Variants in AKR7A3 observed in about 807,000 individuals in gnomAD.
AKR7A3 encodes the protein AFB1 aldehyde reductase 2.
A neutral mutation model predicts 32.5 loss-of-function variants in AKR7A3; 37 were observed. The observed-to-expected ratio is 1.14, with a 90% CI of 0.88 to 1.50. The LOEUF (loss-of-function observed/expected upper bound fraction) is 1.50. Among genes scored for constraint, AKR7A3 ranks in the 40% most tolerant of loss-of-function variants. The pLI, the probability that AKR7A3 is intolerant of heterozygous loss-of-function variation, is 0.00. For missense variants in AKR7A3, 412 were observed against 453.2 expected, an observed-to-expected ratio of 0.91 and a Z score of 0.83; for synonymous variants, 177 against 188.4, an observed-to-expected ratio of 0.94 and a Z score of 0.50.
chr1:19,285,120 A>G lies in AKR7A3; in HGVS notation c.508-6T>C. The G allele has an allele frequency of 6.2e-6, 10 of 1,613,482 alleles. No homozygotes were observed. Among genetic ancestry groups the G allele is most frequent in the East Asian group, 2.2e-5 (1 of 44,858 alleles). The stretch of plus-strand genomic sequence containing the variant: ...GTGATGGCATTGTACATGCCCTGTA[A>G]GGAGAGGGGCCCCGGGGGAGAGGGT... On this transcript the variant is annotated splice_polypyrimidine_tract_variant and splice_region_variant and intron_variant, in intron 3 of 6. Coordinates refer to ENST00000361640, the MANE Select transcript of AKR7A3 (RefSeq NM_012067.3).
chr1:19,274,899 C>CCAAAAAAAAAA, the AKR7A3 span, among the ~76,000 whole-genome samples: 1 of 44,314 alleles, frequency 2.3e-5, no homozygotes, highest in Admixed American at 3.6e-4. Flanking sequence ...TCTCTAAATA[C>CCAAAAAAAAAA]AAAAAAAAAA....
chr1:19,287,377 C>A (rs918087391), intron 1 of AKR7A3, among the ~76,000 whole-genome samples: 1 of 151,504 alleles, frequency 6.6e-6, no homozygotes, highest in Admixed American at 6.6e-5. Flanking sequence ...CTAGAAAGAG[C>A]GTGGCACTGG....
At chr1:19,283,844 C>T (rs369438627) in intron 6 of AKR7A3, 152 bp downstream of exon 6, 7 of 1,324,946 alleles carry the variant, frequency 5.3e-6, no homozygotes, top group Admixed American at 5.5e-5. Context: ...AAAAAAAAAA[C>T]ATAGAAAAAG....
downstream of AKR7A3, among the ~76,000 whole-genome samples, chr1:19,281,367 G>A (rs1410181050): frequency 6.6e-6 from 1 of 151,896 alleles, no homozygotes; most frequent in African/African-American, 2.4e-5. Flanking sequence ...GCTGGGTGTG[G>A]TGGCTCATGC....
intron 6 of AKR7A3, 89 bp downstream of exon 6, chr1:19,283,907 A>C: frequency 6.3e-7 from 1 of 1,580,456 alleles, no homozygotes; most frequent in Non-Finnish European, 8.6e-7. Context: ...TTTCAGAGGA[A>C]TCGATAAACA....
rs1402298120 is a variant in AKR7A3 at position 19,282,978 on chromosome 1, T to C, written c.835-86A>G. 1.9e-6 allele frequency: 3 copies of C among 1,560,610 alleles called. No homozygotes were observed. In the African/African-American group the frequency reaches 4.1e-5, roughly 21 times the overall value. On this transcript the variant is annotated intron_variant, in intron 6 of 6. Coordinates refer to ENST00000361640, the MANE Select transcript of AKR7A3 (RefSeq NM_012067.3). The stretch of plus-strand genomic sequence containing the variant: ...CGTCCCAGCCACCTCCCTGCTGAGA[T>C]TTGGGATCTCTTGTATCCCATATGT...
downstream of AKR7A3, among the ~76,000 whole-genome samples, chr1:19,281,456 G>A (rs903073950): frequency 6.6e-6 from 1 of 151,550 alleles, no homozygotes; most frequent in Non-Finnish European, 1.5e-5. Flanking sequence ...GGACAACATG[G>A]CAAAACCCAG....
Position 19,284,035 on chromosome 1 carries a change from C to T in AKR7A3, c.795G>A (p.Ser265=), listed in dbSNP as rs140288397. Residue 265 remains serine (S), a synonymous_variant, in exon 6 of 7, where the codon TCG becomes TCA. Transcript: ENST00000361640. ...GGTGGTACATCCACCGGAGGGTGGC[C>T]GAGGTCATGCTGGGGGCGCTGGCGC... ...AYGASAPSMT[S]ATLRWMYHHS... 5.1e-5 allele frequency: 82 copies of T among 1,613,488 alleles called. 1 individual carries two copies. The highest frequency in any genetic ancestry group is 6.4e-5 in the Non-Finnish European group (75 of 1,179,862).
At chr1:19,277,401 A>T in the AKR7A3 span, among the ~76,000 whole-genome samples, 1 of 152,012 alleles carries the variant, frequency 6.6e-6, no homozygotes, top group Non-Finnish European at 1.5e-5. Context: ...GAACTGAATT[A>T]AAGTAAAAAC....
chr1:19,285,172 A>G, intron 3 of AKR7A3, 58 bp from the exon 4 acceptor site: 1 of 1,525,598 alleles, frequency 6.6e-7, no homozygotes, highest in Non-Finnish European at 9.1e-7. Flanking sequence ...GAGACTTCAA[A>G]ATTACCCTTC....
In AKR7A3 at chr1:19,282,606, T is replaced by A. The variant is rs1387234717; in HGVS notation, c.*125A>T. On this transcript the variant is annotated 3_prime_UTR_variant, in exon 7 of 7. Transcript: ENST00000361640. ...TTATTCTTCATTTGGTGGTGACTCTTCTATTAGGTTTTTGTCCAAATACTT... is the reference window on the plus strand; with the variant it reads ...TTATTCTTCATTTGGTGGTGACTCTACTATTAGGTTTTTGTCCAAATACTT... 2.7e-6 allele frequency: 4 copies of A among 1,489,960 alleles called. No homozygotes were observed. The highest frequency in any genetic ancestry group is 2.4e-5 in the East Asian group (1 of 41,066). 92.3% of individuals were successfully genotyped at this position (1,489,960 alleles called of 1,614,324 possible).
chr1:19,275,384 C>T, the AKR7A3 span, among the ~76,000 whole-genome samples: 2 of 149,922 alleles, frequency 1.3e-5, no homozygotes, highest in Admixed American at 6.6e-5. Context: ...GCACTCCAGC[C>T]GAGGCAACAA....
rs568602361 is a variant in AKR7A3, at chr1:19,284,797, C to A, written c.605-12G>T. The A allele has an allele frequency of 6.2e-7, 1 of 1,613,372 alleles. No individual in the cohort carries two copies. Among genetic ancestry groups the A allele is most frequent in the Admixed American group, 1.7e-5 (1 of 60,024 alleles). On this transcript the variant is annotated splice_polypyrimidine_tract_variant and intron_variant, in intron 4 of 6. Transcript: ENST00000361640. The stretch of plus-strand genomic sequence containing the variant: ...GGTCAGCAGGCCCCCTGAGGGAAAG[C>A]AGCAATCAGCCCCGGGGCCTAGAGT...
intron 2 of AKR7A3, 27 bp from the exon 3 acceptor site, chr1:19,286,019 C>T (rs1470248424): frequency 5.0e-6 from 8 of 1,613,092 alleles, no homozygotes; most frequent in Non-Finnish European, 5.9e-6. Context: ...CCAGTCAGAA[C>T]ATAGTGCAGC....
the AKR7A3 span, chr1:19,274,234 C>G: frequency 1.5e-6 from 2 of 1,333,556 alleles, no homozygotes; most frequent in Non-Finnish European, 1.9e-6. Flanking sequence ...ACGCCGCCCA[C>G]GCGCTGGACT....
intron 6 of AKR7A3, among the ~76,000 whole-genome samples, 164 bp downstream of exon 6, chr1:19,283,832 C>T (rs1016469581): frequency 2.7e-5 from 4 of 150,804 alleles, no homozygotes; most frequent in Non-Finnish European, 5.9e-5. Flanking sequence ...CTCTGTCCCC[C>T]CAAAAAAAAA....
the AKR7A3 span, among the ~76,000 whole-genome samples, chr1:19,275,649 A>T: frequency 3.3e-5 from 5 of 151,690 alleles, no homozygotes; most frequent in Non-Finnish European, 7.4e-5. Flanking sequence ...AAAAAGTTTT[A>T]AAAAGATTAT....
chr1:19,284,125 G>A lies in AKR7A3; in HGVS notation c.705C>T (p.Arg235=). The change falls in exon 6 of 7, where the codon CGC becomes CGT. Residue 235 remains arginine (R), a splice_region_variant and synonymous_variant. Transcript: ENST00000361640. ...CCTCAAAGTGGTGCTCCTTCCAGTA[G>A]CTGGGAAGGGGGGACGGTGGCACAG... is the stretch of plus-strand genomic sequence containing the variant. ...GNTWAEMYRN[R]YWKEHHFEGI... is the part of the protein sequence containing the mutation. The A allele has an allele frequency of 6.2e-7, 1 of 1,609,440 alleles. No homozygotes were observed. Among genetic ancestry groups the A allele is most frequent in the Non-Finnish European group, 8.5e-7 (1 of 1,177,558 alleles).
Position 19,284,728 on chromosome 1 carries a change from C to A in AKR7A3, c.662G>T (p.Gly221Val). Residue 221 changes from glycine (G) to valine (V), a missense_variant, in exon 5 of 7, where the codon GGC (glycine) becomes GTC (valine). Physicochemically the swap from Gly to Val is moderately radical, Grantham distance 109 (BLOSUM62 -3). Coordinates refer to ENST00000361640, the MANE Select transcript of AKR7A3 (RefSeq NM_012067.3). Reference protein sequence around the residue: ...YEDKNGKQPVGRFFGNTWAEM... With the variant: ...YEDKNGKQPVVRFFGNTWAEM... ...TGCCCAGGTATTCCCAAAGAAGCGG[C>A]CCACGGGCTGTTTCCCATTCTTGTC... The A allele has an allele frequency of 5.6e-6, 9 of 1,613,866 alleles. No homozygotes were observed. The highest frequency in any genetic ancestry group is 6.8e-6 in the Non-Finnish European group (8 of 1,180,008).
Sources: gnomAD v4.1 joint callset for allele counts (sites outside exome capture counted in the v4.1 genomes callset) on GRCh38, gnomAD v4.1.1 for gene constraint, MANE v1.5 for transcripts, NCBI Gene and HGNC (gene_info 2026-07-23, HGNC 2026-07-21) for gene names.